The following TSHZ2 variants were observed in gnomAD, a reference collection of about 807,000 sequenced individuals.
TSHZ2 encodes teashirt homolog 2.
TSHZ2 carries 21 observed loss-of-function variants against 74.4 expected under a neutral mutation model. The ratio of observed to expected loss-of-function variants is 0.28; its 90% CI spans 0.20 to 0.41. The LOEUF (loss-of-function observed/expected upper bound fraction) is 0.41, where lower values mean the gene tolerates loss of function less well. TSHZ2 is among the 10% of genes least tolerant of loss of function. TSHZ2 has a pLI of 1.00. For missense variants in TSHZ2, 1,244 were observed against 1,293.5 expected (o/e 0.96, Z 0.59); for synonymous variants, 540 against 515.3 (o/e 1.05, Z -0.65).
At chr20:53,323,992 C>A (rs1334058189) in intron 2 of TSHZ2, among the ~76,000 whole-genome samples, 1 of 152,116 alleles carries the variant, frequency 6.6e-6, no homozygotes, top group African/African-American at 2.4e-5. Context: ...TCTTGTGGTC[C>A]CTCCTGACCT....
intron 2 of TSHZ2, among the ~76,000 whole-genome samples, chr20:53,335,967 C>A (rs1432985393): frequency 6.6e-6 from 1 of 152,184 alleles, no homozygotes; most frequent in African/African-American, 2.4e-5. Context: ...ATTAACGAGT[C>A]TGGTTTTGAA....
At chr20:53,392,265 T>C (rs2145661071) in intron 2 of TSHZ2, among the ~76,000 whole-genome samples, 1 of 152,204 alleles carries the variant, frequency 6.6e-6, no homozygotes, top group South Asian at 2.1e-4. Context: ...ACCAACATGG[T>C]GAAACCCCAT....
chr20:53,095,786 A>T (rs1186860229), intron 1 of TSHZ2, among the ~76,000 whole-genome samples: 1 of 152,024 alleles, frequency 6.6e-6, no homozygotes, highest in Non-Finnish European at 1.5e-5. Context: ...AGTTCTGACT[A>T]CCAAAAATGT....
At chr20:53,187,319 A>G (rs1988623808) in intron 1 of TSHZ2, among the ~76,000 whole-genome samples, 1 of 152,180 alleles carries the variant, frequency 6.6e-6, no homozygotes, top group East Asian at 1.9e-4. Context: ...GATTGTGTAT[A>G]GGTTAGGCCC....
At chr20:53,401,625 A>G (rs1982663319) in intron 2 of TSHZ2, among the ~76,000 whole-genome samples, 1 of 147,974 alleles carries the variant, frequency 6.8e-6, no homozygotes. Flanking sequence ...GCTCCCACTT[A>G]TAAGTGAGAA....
intron 1 of TSHZ2, among the ~76,000 whole-genome samples, chr20:53,099,115 A>G (rs544262347): frequency 3.3e-5 from 5 of 152,292 alleles, no homozygotes; most frequent in Middle Eastern, 3.4e-3. Flanking sequence ...AGCTCAGCCT[A>G]AGAGGTAATG....
intron 1 of TSHZ2, among the ~76,000 whole-genome samples, chr20:53,047,910 C>G (rs1054767835): frequency 2.0e-5 from 3 of 152,128 alleles, no homozygotes; most frequent in African/African-American, 7.2e-5. Flanking sequence ...CTGAAAACAG[C>G]CCTGCAAGGT....
At chr20:53,187,756 C>G (rs1353226702) in intron 1 of TSHZ2, among the ~76,000 whole-genome samples, 1 of 151,530 alleles carries the variant, frequency 6.6e-6, no homozygotes, top group African/African-American at 2.4e-5. Flanking sequence ...AAAATATGTG[C>G]TTGGGATAAT....
chr20:53,330,187 T>C (rs1979669204), intron 2 of TSHZ2, among the ~76,000 whole-genome samples: 1 of 107,414 alleles, frequency 9.3e-6, no homozygotes, highest in African/African-American at 2.6e-5. Context: ...TCTTTCAACT[T>C]TTTTTTTAAC....
chr20:53,140,652 C>T (rs1987373823), intron 1 of TSHZ2, among the ~76,000 whole-genome samples: 1 of 152,106 alleles, frequency 6.6e-6, no homozygotes, highest in African/African-American at 2.4e-5. Flanking sequence ...TGGCTATATT[C>T]CCTGGCCTTG....
Position 53,037,653 on chromosome 20 carries a change from C to T in TSHZ2, c.40+64320C>T, listed in dbSNP as rs538406926. On this transcript the variant is annotated intron_variant, in intron 1 of 2. Transcript: ENST00000371497. ...ATACAGATTTTGACCTGCTTAATGT[C>T]AAGAGGTTGCACGGTTGATTTGTCC... Among the ~76,000 whole-genome samples the T allele has an allele frequency of 2.3e-3, 356 of 152,298 alleles. 1 individual carries two copies. Among genetic ancestry groups the T allele is most frequent in the African/African-American group, 8.0e-3 (334 of 41,560 alleles).
intron 2 of TSHZ2, among the ~76,000 whole-genome samples, chr20:53,383,773 C>T (rs1981943117): frequency 1.3e-5 from 2 of 151,988 alleles, no homozygotes; most frequent in South Asian, 4.2e-4. Flanking sequence ...AAAATAATAA[C>T]AATAATAATA....
chr20:53,213,226 T>C (rs1568816235), intron 1 of TSHZ2, among the ~76,000 whole-genome samples: 1 of 152,214 alleles, frequency 6.6e-6, no homozygotes, highest in Non-Finnish European at 1.5e-5. Flanking sequence ...TTTAAGTCAC[T>C]GGAGATTACT....
intron 2 of TSHZ2, among the ~76,000 whole-genome samples, chr20:53,362,184 G>GT (rs1343481662): frequency 1.8e-3 from 63 of 35,992 alleles, no homozygotes; most frequent in African/African-American, 5.8e-3. Context: ...ACAGTTTGTT[G>GT]TTTTTTTGTT....
At chr20:53,310,296 T>C (rs1978724492) in intron 2 of TSHZ2, among the ~76,000 whole-genome samples, 1 of 152,220 alleles carries the variant, frequency 6.6e-6, no homozygotes, top group Admixed American at 6.5e-5. Context: ...TGGGCCTCAG[T>C]TTCCCTGTCC....
At chr20:53,196,718 G>C (rs1167213985) in intron 1 of TSHZ2, among the ~76,000 whole-genome samples, 1 of 152,110 alleles carries the variant, frequency 6.6e-6, no homozygotes. Flanking sequence ...ACAACATGTG[G>C]GTCAGTGTTT....
intron 1 of TSHZ2, chr20:53,185,480 C>T (rs1988577706): frequency 1.5e-6 from 2 of 1,364,834 alleles, no homozygotes; most frequent in Non-Finnish European, 1.9e-6. Flanking sequence ...GAGTTCAAGA[C>T]CAGCCTGGCC....
rs369896354 is a variant in TSHZ2 at position 53,163,474 on chromosome 20, CTAAGTTT to C, written c.41-90022_41-90016del. ...TTATTTTATTTTTTTTTATTATACT[CTAAGTTT>C]TAGGGTACATGTGCACATTGTGCAG... On this transcript the variant is annotated intron_variant, in intron 1 of 2. Transcript: ENST00000371497. 5.4e-3 allele frequency among the ~76,000 whole-genome samples: 757 copies of C among 139,676 alleles called. 6 individuals are homozygous for C. The highest frequency in any genetic ancestry group is 0.02 in the African/African-American group (727 of 36,298). 91.6% of individuals were successfully genotyped at this position (139,676 alleles called of 152,430 possible).
intron 1 of TSHZ2, among the ~76,000 whole-genome samples, chr20:53,143,090 C>A (rs1338022754): frequency 6.6e-6 from 1 of 152,054 alleles, no homozygotes; most frequent in Non-Finnish European, 1.5e-5. Flanking sequence ...TGCAGTTTAC[C>A]AGATGAGGCA....
Sources: gnomAD v4.1 joint callset for allele counts (sites outside exome capture counted in the v4.1 genomes callset) on GRCh38, gnomAD v4.1.1 for gene constraint, MANE v1.5 for transcripts, NCBI Gene and HGNC (gene_info 2026-07-23, HGNC 2026-07-21) for gene names.